DEUP1: variants seen among roughly 807,000 people sequenced by gnomAD.
DEUP1 encodes the protein coiled-coil domain containing 67.
A neutral mutation model predicts 87.4 loss-of-function variants in DEUP1; 82 were observed. The ratio of observed to expected loss-of-function variants is 0.94; its 90% CI spans 0.78 to 1.13. The LOEUF (loss-of-function observed/expected upper bound fraction) is 1.13. Ranked by LOEUF, DEUP1 falls within the 50% of genes most tolerant of loss-of-function variation. DEUP1 has a pLI of 0.00. For missense variants in DEUP1, 663 were observed against 681.5 expected (o/e 0.97, Z 0.30); for synonymous variants, 214 against 222.7 (o/e 0.96, Z 0.35).
rs568672167 is a variant in DEUP1, at chr11:93,396,190, T to G, written c.1240-49T>G. ...ACAAGACAAAATTTTAATAGAATTA[T>G]GAGTTTTTATTATGAATTTTACATT... On this transcript the variant is annotated intron_variant, in intron 10 of 13. Coordinates refer to ENST00000298050, the MANE Select transcript of DEUP1 (RefSeq NM_181645.4). 8 of 1,141,642 alleles carry G rather than the reference T, an allele frequency of 7.0e-6. No homozygotes were observed. In the Admixed American group the frequency reaches 1.4e-4, roughly 21 times the overall value. The allele number at this position is 1,141,642 out of a possible 1,614,324, so 70.7% of individuals were successfully genotyped here. A position where few individuals can be genotyped will look rare whatever the true frequency, so the allele number is the denominator to read the frequency against.
intron 11 of DEUP1, among the ~76,000 whole-genome samples, chr11:93,399,739 T>A (rs1485718155): frequency 6.6e-6 from 1 of 151,880 alleles, no homozygotes; most frequent in Non-Finnish European, 1.5e-5. Context: ...AGAGGTTTCT[T>A]AGGCTTTTCT....
At chr11:93,405,979 C>T (rs1329038286) in intron 11 of DEUP1, among the ~76,000 whole-genome samples, 1 of 151,886 alleles carries the variant, frequency 6.6e-6, no homozygotes, top group African/African-American at 2.4e-5. Flanking sequence ...ACACAACTCA[C>T]GTATATTCGA....
intron 2 of DEUP1, among the ~76,000 whole-genome samples, chr11:93,345,605 A>C (rs139638972): frequency 6.6e-6 from 1 of 152,152 alleles, no homozygotes; most frequent in African/African-American, 2.4e-5. Context: ...TTTCTCTAAC[A>C]ATCAGTAATG....
intron 13 of DEUP1, among the ~76,000 whole-genome samples, chr11:93,435,197 C>T (rs1047681288): frequency 6.6e-6 from 1 of 152,112 alleles, no homozygotes; most frequent in African/African-American, 2.4e-5. Flanking sequence ...GTGCTAGGGA[C>T]CTATTGCAGT....
At chr11:93,361,259 T>G (rs1945162941) in intron 4 of DEUP1, among the ~76,000 whole-genome samples, 1 of 152,062 alleles carries the variant, frequency 6.6e-6, no homozygotes, top group South Asian at 2.1e-4. Flanking sequence ...CTGGCAGACC[T>G]ACCCTAAAAG....
At chr11:93,402,947 A>G (rs1947165782) in intron 11 of DEUP1, among the ~76,000 whole-genome samples, 1 of 151,902 alleles carries the variant, frequency 6.6e-6, no homozygotes, top group Non-Finnish European at 1.5e-5. Flanking sequence ...CTATTGTTCA[A>G]CACTAGGTAA....
At chr11:93,418,055 G>T (rs1240050656) in intron 13 of DEUP1, among the ~76,000 whole-genome samples, 1 of 152,056 alleles carries the variant, frequency 6.6e-6, no homozygotes, top group Non-Finnish European at 1.5e-5. Flanking sequence ...GACTTAAACG[G>T]TAGACCTAAA....
rs552662639 is a variant in DEUP1 at position 93,373,215 on chromosome 11, T to G, written c.789+1935T>G. ...AAAGCATTCTCTGCTTTGTCCCTTC[T>G]TCTTTTGGCAGGGGAACAGGTGGTG... is the stretch of plus-strand genomic sequence containing the variant. On this transcript the variant is annotated intron_variant, in intron 7 of 13. Coordinates refer to ENST00000298050, the MANE Select transcript of DEUP1 (RefSeq NM_181645.4). Among the ~76,000 whole-genome samples, 3 of 152,274 alleles carry G rather than the reference T, an allele frequency of 2.0e-5. No individual in the cohort carries two copies. In the South Asian group the frequency reaches 6.2e-4, roughly 32 times the overall value.
chr11:93,410,550 C>T (rs966548706), intron 12 of DEUP1, among the ~76,000 whole-genome samples: 1 of 152,160 alleles, frequency 6.6e-6, no homozygotes, highest in African/African-American at 2.4e-5. Context: ...GAGAGAAAAG[C>T]AAACCCATGA....
chr11:93,434,725 A>G (rs992552189), intron 13 of DEUP1, among the ~76,000 whole-genome samples: 2 of 152,220 alleles, frequency 1.3e-5, no homozygotes, highest in African/African-American at 4.8e-5. Context: ...GAAAGCACAG[A>G]TTCTCCAAGT....
intron 8 of DEUP1, among the ~76,000 whole-genome samples, chr11:93,386,236 T>C (rs1433902041): frequency 1.3e-5 from 2 of 152,118 alleles, no homozygotes; most frequent in African/African-American, 4.8e-5. Context: ...GTCTGTTCCA[T>C]TGAGGGTTCT....
chr11:93,349,653 CT>C (rs1290377678), intron 2 of DEUP1, among the ~76,000 whole-genome samples: 5 of 149,452 alleles, frequency 3.3e-5, no homozygotes, highest in Admixed American at 1.3e-4. Flanking sequence ...CATAGTCATC[CT>C]TTTTTTTTCA....
intron 2 of DEUP1, among the ~76,000 whole-genome samples, chr11:93,350,891 G>T (rs1944594467): frequency 6.6e-6 from 1 of 151,774 alleles, no homozygotes; most frequent in African/African-American, 2.4e-5. Flanking sequence ...AGGAGGCGGA[G>T]GTGGTAGTGA....
intron 9 of DEUP1, 56 bp from the exon 10 acceptor site, chr11:93,394,403 A>G (rs1259361144): frequency 8.1e-5 from 109 of 1,342,162 alleles, no homozygotes; most frequent in Non-Finnish European, 1.0e-4. Flanking sequence ...GTAAAATTTT[A>G]AGCTACTCTA....
In DEUP1 at chr11:93,400,818, T is replaced by C. The variant is rs554296284; in HGVS notation, c.1326+4493T>C. On this transcript the variant is annotated intron_variant, in intron 11 of 13. Coordinates refer to ENST00000298050, the MANE Select transcript of DEUP1 (RefSeq NM_181645.4). ...CAAATATGCAGATAAAGGCTATATA[T>C]GACAAACTTACAGCTAACATCATAC... Among the ~76,000 whole-genome samples, 3 of 152,236 alleles carry C rather than the reference T, an allele frequency of 2.0e-5. No individual in the cohort carries two copies. The South Asian group carries it at 6.2e-4, about 32-fold the overall frequency.
chr11:93,397,851 A>T (rs1442378328), intron 11 of DEUP1, among the ~76,000 whole-genome samples: 1 of 152,190 alleles, frequency 6.6e-6, no homozygotes, highest in African/African-American at 2.4e-5. Flanking sequence ...CACCTCTACA[A>T]ATCAGTAGAT....
intron 4 of DEUP1, among the ~76,000 whole-genome samples, chr11:93,362,953 C>T (rs117107482): frequency 0.011 from 1,733 of 151,794 alleles, 23 homozygotes; most frequent in South Asian, 0.075. Flanking sequence ...ATAAAGTAGA[C>T]ACCATTGTTC....
intron 7 of DEUP1, among the ~76,000 whole-genome samples, chr11:93,381,584 T>C (rs1265137364): frequency 6.6e-6 from 1 of 152,188 alleles, no homozygotes; most frequent in African/African-American, 2.4e-5. Flanking sequence ...ACACTCTACA[T>C]GTTTTTTAAA....
chr11:93,409,409 C>A (rs1435598178), intron 12 of DEUP1, among the ~76,000 whole-genome samples: 1 of 152,118 alleles, frequency 6.6e-6, no homozygotes, highest in East Asian at 1.9e-4. Context: ...TCTCTGAAAG[C>A]CTTTTACTGT....
Sources: allele counts gnomAD v4.1 joint callset (sites outside exome capture counted in the v4.1 genomes callset), GRCh38; gene constraint gnomAD v4.1.1; transcripts MANE v1.5; gene names NCBI Gene and HGNC (gene_info 2026-07-23, HGNC 2026-07-21).